CPD: variants seen among roughly 807,000 people sequenced by gnomAD.
The protein encoded by CPD is metallocarboxypeptidase D.
A neutral mutation model predicts 138.3 loss-of-function variants in CPD; 69 were observed. The observed-to-expected ratio is 0.50, with a 90% confidence interval of 0.41 to 0.61. The LOEUF (loss-of-function observed/expected upper bound fraction) is 0.61. Among genes scored for constraint, CPD ranks in the 20% least tolerant of loss-of-function variants. The pLI is 0.00. For synonymous variants in CPD, 651 were observed against 642.1 expected, an observed-to-expected ratio of 1.01 and a Z score of -0.21; for missense variants, 1,432 against 1,733.3, an observed-to-expected ratio of 0.83 and a Z score of 3.09.
At chr17:30,416,722 G>A (rs1476909453) in intron 2 of CPD, among the ~76,000 whole-genome samples, 1 of 152,132 alleles carries the variant, frequency 6.6e-6, no homozygotes, top group African/African-American at 2.4e-5. Flanking sequence ...TTCAGATCTT[G>A]ACTTAATGTT....
Position 30,464,969 on chromosome 17 carries a change from C to A in CPD, c.*155C>A. ...TTGTATTCTCTGTGAATTTCACTGG[C>A]AGTTTTGAACTTCCCTTCCTTAAAG... On this transcript the variant is annotated 3_prime_UTR_variant, in exon 21 of 21. Transcript: ENST00000225719. 1.6e-6 allele frequency: 1 copy of A among 639,502 alleles called. No individual in the cohort carries two copies. The highest frequency in any genetic ancestry group is 2.7e-6 in the Non-Finnish European group (1 of 373,156). The allele number at this position is 639,502 out of a possible 1,614,324, so 39.6% of individuals were successfully genotyped here. A position where few individuals can be genotyped will look rare whatever the true frequency, so the allele number is the denominator to read the frequency against.
Position 30,379,111 on chromosome 17 carries a change from C to A in CPD, c.131C>A (p.Thr44Lys), listed in dbSNP as rs868687012. 1 of 1,544,782 alleles carries A rather than the reference C, an allele frequency of 6.5e-7. No individual in the cohort carries two copies. ...IKKAEATTTT[T>K]SAGAEAAEGQ... Reference sequence around the variant, plus strand: ...AAGGCGGAGGCGACTACCACAACTACGAGCGCGGGCGCCGAGGCGGCCGAG... The same window carrying A: ...AAGGCGGAGGCGACTACCACAACTAAGAGCGCGGGCGCCGAGGCGGCCGAG... The change falls in exon 1 of 21, where the codon ACG becomes AAG. Residue 44 changes from threonine (T) to lysine (K), a missense_variant. Thr to Lys is a moderately conservative substitution (Grantham distance 78). Transcript: ENST00000225719. This position sits in a 1 kb window ranked among gnomAD's most constrained non-coding sequence, Gnocchi z 7.0.
In CPD at chr17:30,461,999, C is replaced by T. The variant is rs758360971; in HGVS notation, c.3753C>T (p.Leu1251=). ...QTKEGGYFHV[L]LAPGVHNIIA... ...AAGAGGGAGGTTATTTCCATGTACT[C>T]TTAGCGCCAGGTGTCCATAACATTA... The change falls in exon 19 of 21, where the codon CTC becomes CTT. Residue 1251 remains leucine, a synonymous_variant. Transcript: ENST00000225719. 4 of 1,613,816 alleles carry T rather than the reference C, an allele frequency of 2.5e-6. No homozygotes were observed. The highest frequency in any genetic ancestry group is 2.2e-5 in the East Asian group (1 of 44,882).
intron 8 of CPD, among the ~76,000 whole-genome samples, chr17:30,434,132 A>G (rs1022465040): frequency 6.6e-6 from 1 of 152,168 alleles, no homozygotes; most frequent in Admixed American, 6.5e-5. Context: ...TAGTCTTGGG[A>G]GACATCTGAG....
At chr17:30,390,378 C>A (rs1342250148) in intron 2 of CPD, among the ~76,000 whole-genome samples, 1 of 152,126 alleles carries the variant, frequency 6.6e-6, no homozygotes, top group Non-Finnish European at 1.5e-5. Flanking sequence ...AAGTATAGAC[C>A]TTTAGAGCTG....
At chr17:30,419,984 C>T (rs1912223558) in intron 2 of CPD, among the ~76,000 whole-genome samples, 1 of 152,186 alleles carries the variant, frequency 6.6e-6, no homozygotes, top group African/African-American at 2.4e-5. Context: ...CACATTTGTA[C>T]TTTCCAAGAG....
At chr17:30,447,613 C>G (rs1913064404) in intron 12 of CPD, 1 of 151,974 alleles carries the variant, frequency 6.6e-6, no homozygotes, top group South Asian at 2.1e-4. Flanking sequence ...GTAAGCTCAC[C>G]TGTTAGGGAT....
intron 14 of CPD, among the ~76,000 whole-genome samples, chr17:30,453,585 G>A (rs181929957): frequency 1.1e-4 from 17 of 152,242 alleles, no homozygotes; most frequent in Middle Eastern, 3.4e-3. Context: ...GCAAGCTGTC[G>A]TGGATCTACC....
intron 2 of CPD, 41 bp downstream of exon 2, chr17:30,385,277 C>G (rs765417682): frequency 1.2e-6 from 2 of 1,605,546 alleles, no homozygotes; most frequent in Admixed American, 1.7e-5. Flanking sequence ...CCCCCTTGTT[C>G]GTTGAATTTT....
chr17:30,459,251 T>A (rs1913399683), intron 17 of CPD, among the ~76,000 whole-genome samples: 1 of 150,856 alleles, frequency 6.6e-6, no homozygotes, highest in East Asian at 1.9e-4. Flanking sequence ...TATTATACTT[T>A]AAGTTTTAGG....
In CPD at chr17:30,383,567, C is replaced by A. The variant is rs534950602; in HGVS notation, c.747-1422C>A. Among the ~76,000 whole-genome samples the A allele has an allele frequency of 5.9e-5, 9 of 152,270 alleles. No homozygotes were observed. In the South Asian group the frequency reaches 1.9e-3, roughly 32 times the overall value. Reference sequence around the variant, plus strand: ...AATTATATTAGTTTTTAGCTAGTTTCTTTTCATGGTCTATGCTAGTGTTTA... The same window carrying A: ...AATTATATTAGTTTTTAGCTAGTTTATTTTCATGGTCTATGCTAGTGTTTA... On this transcript the variant is annotated intron_variant, in intron 1 of 20. Coordinates refer to ENST00000225719, the MANE Select transcript of CPD (RefSeq NM_001304.5).
At chr17:30,423,303 A>G (rs1912316606) in intron 5 of CPD, among the ~76,000 whole-genome samples, 1 of 152,170 alleles carries the variant, frequency 6.6e-6, no homozygotes, top group African/African-American at 2.4e-5. Context: ...TATAGCATAT[A>G]TATGCTTTGA....
At chr17:30,401,497 A>G (rs1911671078) in intron 2 of CPD, among the ~76,000 whole-genome samples, 1 of 145,272 alleles carries the variant, frequency 6.9e-6, no homozygotes, top group Non-Finnish European at 1.5e-5. Flanking sequence ...TGTTATTATT[A>G]TTGTGAGACA....
Position 30,421,679 on chromosome 17 carries a change from A to G in CPD, c.1153A>G (p.Lys385Glu). The G allele has an allele frequency of 6.2e-7, 1 of 1,613,700 alleles. No individual in the cohort carries two copies. The highest frequency in any genetic ancestry group is 8.5e-7 in the Non-Finnish European group (1 of 1,179,722). The change falls in exon 4 of 21, where the codon AAA becomes GAA. Residue 385 changes from lysine to glutamate, a missense_variant. Transcript: ENST00000225719. ...GTCTTCTTAGGTTCACATTGGAGTG[A>G]AAGGATTTGTTAAAGATTCCATAAC... Reference protein sequence around the residue: ...TLIEKVHIGVKGFVKDSITGS... With the variant: ...TLIEKVHIGVEGFVKDSITGS...
At chr17:30,456,582 G>A in intron 17 of CPD, 56 bp downstream of exon 17, 2 of 1,557,948 alleles carry the variant, frequency 1.3e-6, no homozygotes, top group Non-Finnish European at 1.8e-6. Flanking sequence ...AATGCCGTAT[G>A]TGTAAACCCA....
intron 2 of CPD, among the ~76,000 whole-genome samples, chr17:30,408,031 A>G (rs756290487): frequency 2.0e-5 from 3 of 152,244 alleles, no homozygotes; most frequent in East Asian, 3.8e-4. Context: ...AGCTTCCTAC[A>G]TATGGCTACC....
intron 2 of CPD, among the ~76,000 whole-genome samples, chr17:30,408,322 A>G (rs145812486): frequency 0.015 from 2,243 of 152,262 alleles, 28 homozygotes; most frequent in Non-Finnish European, 0.025. Flanking sequence ...AGTTTAAAGT[A>G]GTTTTTTCCA....
chr17:30,396,822 C>T (rs192514126), intron 2 of CPD, among the ~76,000 whole-genome samples: 1 of 151,258 alleles, frequency 6.6e-6, no homozygotes, highest in Admixed American at 6.6e-5. Context: ...CTTTCATTTC[C>T]TCTTCCTTTC....
rs1183052078 is a variant in CPD, at chr17:30,379,755, G to C, written c.746+29G>C. ...AGTGTTGCCTGCCCCCTCCCCGTCCGTGTGAGCCTCCAAGGGCCGAGGCTG... is the reference window on the plus strand; with the variant it reads ...AGTGTTGCCTGCCCCCTCCCCGTCCCTGTGAGCCTCCAAGGGCCGAGGCTG... On this transcript the variant is annotated intron_variant, in intron 1 of 20. Coordinates refer to ENST00000225719, the MANE Select transcript of CPD (RefSeq NM_001304.5). This position sits in a 1 kb window ranked among gnomAD's most constrained non-coding sequence, Gnocchi z 7.0. The C allele has an allele frequency of 1.6e-5, 22 of 1,405,650 alleles. No individual in the cohort carries two copies. The Admixed American group carries it at 5.6e-4, about 35-fold the overall frequency. The allele number at this position is 1,405,650 out of a possible 1,614,324, so 87.1% of individuals were successfully genotyped here.
Sources: allele counts gnomAD v4.1 joint callset (sites outside exome capture counted in the v4.1 genomes callset), GRCh38; gene constraint gnomAD v4.1.1; non-coding constraint Gnocchi (gnomAD v3.1); transcripts MANE v1.5; gene names NCBI Gene and HGNC (gene_info 2026-07-23, HGNC 2026-07-21).